ACACA: variants seen among roughly 807,000 people sequenced by gnomAD.
The protein encoded by ACACA is acetyl-CoA carboxylase 1.
A neutral mutation model predicts 296.1 loss-of-function variants in ACACA; 103 were observed. That is an observed-to-expected ratio of 0.35 (90% CI 0.30 to 0.41). The LOEUF (loss-of-function observed/expected upper bound fraction) is 0.41. ACACA is among the 10% of genes least tolerant of loss of function. The pLI, the probability that ACACA is intolerant of heterozygous loss-of-function variation, is 1.00. For synonymous variants in ACACA, 953 were observed against 1,038.6 expected (o/e 0.92, Z 1.58); for missense variants, 1,554 against 2,989.7 (o/e 0.52, Z 11.20).
At chr17:37,247,374 C>CTTTTTTTTTTTTTT (rs59972801) in intron 18 of ACACA, among the ~76,000 whole-genome samples, 1 of 145,632 alleles carries the variant, frequency 6.9e-6, no homozygotes. Context: ...TTGTGAATTT[C>CTTTTTTTTTTTTTT]TTTTTTTTTT....
At chr17:37,166,606 C>T (rs575088766) in intron 41 of ACACA, among the ~76,000 whole-genome samples, 2 of 152,334 alleles carry the variant, frequency 1.3e-5, no homozygotes, top group African/African-American at 4.8e-5. Flanking sequence ...CATTTACTAT[C>T]TGCTGTACTG....
In ACACA at chr17:37,099,508, T is replaced by TGAGG. The variant is rs1276927426; in HGVS notation, c.6566-1525_6566-1524insCCTC. ...GGAGGAGGGCTGATGGGAGGAGGGC[T>TGAGG]GATAGCAGGAGGGCTGATGGGAGGA... On this transcript the variant is annotated intron_variant, in intron 52 of 55. Coordinates refer to ENST00000616317, the MANE Select transcript of ACACA (RefSeq NM_198834.3). Among the ~76,000 whole-genome samples, 10 of 144,596 alleles carry TGAGG rather than the reference T, an allele frequency of 6.9e-5. No individual in the cohort carries two copies. The East Asian group carries it at 1.4e-3, about 21-fold the overall frequency. The allele number at this position is 144,596 out of a possible 152,430, so 94.9% of individuals were successfully genotyped here.
intron 25 of ACACA, among the ~76,000 whole-genome samples, chr17:37,232,531 G>A (rs1041965222): frequency 7.9e-5 from 12 of 151,692 alleles, no homozygotes; most frequent in Admixed American, 5.4e-4. Flanking sequence ...ACAGCTAAGC[G>A]TTGTCAAAGA....
chr17:37,327,324 C>A (rs1396550492), intron 3 of ACACA, among the ~76,000 whole-genome samples: 1 of 152,064 alleles, frequency 6.6e-6, no homozygotes, highest in Non-Finnish European at 1.5e-5. Context: ...TTAAAATTAC[C>A]CCAAAGGTCA....
chr17:37,382,318 C>T (rs1158851563), intron 1 of ACACA, among the ~76,000 whole-genome samples: 2 of 151,974 alleles, frequency 1.3e-5, no homozygotes, highest in African/African-American at 4.8e-5. Flanking sequence ...TCTCCTTCTG[C>T]CCTCCTTTCC....
intron 28 of ACACA, 63 bp from the exon 29 acceptor site, chr17:37,221,905 A>G: frequency 7.0e-7 from 1 of 1,426,544 alleles, no homozygotes; most frequent in Non-Finnish European, 9.9e-7. Context: ...AATAGCCCAG[A>G]AAAAGAGTCT....
chr17:37,149,777 T>G, intron 45 of ACACA, 87 bp downstream of exon 45: 1 of 1,215,216 alleles, frequency 8.2e-7, no homozygotes, highest in Non-Finnish European at 1.2e-6. Flanking sequence ...ATTGAACTGC[T>G]TCCTTCCAAT....
chr17:37,307,831 A>G (rs2083952749), intron 3 of ACACA, among the ~76,000 whole-genome samples: 1 of 151,964 alleles, frequency 6.6e-6, no homozygotes, highest in Non-Finnish European at 1.5e-5. Flanking sequence ...CAGGCAATCC[A>G]TCCACCTTGG....
At chr17:37,359,266 C>T in intron 1 of ACACA, 1 of 584,170 alleles carries the variant, frequency 1.7e-6, no homozygotes, top group Non-Finnish European at 2.2e-6. Context: ...CGGGCTGCGG[C>T]GCTGCCAGGG....
chr17:37,385,885 A>G, intron 1 of ACACA: 3 of 634,036 alleles, frequency 4.7e-6, no homozygotes, highest in Non-Finnish European at 8.2e-6. Context: ...AAACCTATGG[A>G]CAGACAGGTT....
At position 37,217,384 on chromosome 17, in the gene ACACA, C is replaced by G. The variant is rs1319847005; in HGVS notation, c.3683+4340G>C. Among the ~76,000 whole-genome samples, 3 of 150,526 alleles carry G rather than the reference C, an allele frequency of 2.0e-5. No individual in the cohort carries two copies. In the East Asian group the frequency reaches 6.0e-4, roughly 30 times the overall value. Reference sequence around the variant, plus strand: ...TAACGATGTGCTGGACAAATTTTGTCTACTTCAAAAACACCTAGCTAGGAA... The same window carrying G: ...TAACGATGTGCTGGACAAATTTTGTGTACTTCAAAAACACCTAGCTAGGAA... On this transcript the variant is annotated intron_variant, in intron 29 of 55. Transcript: ENST00000616317.
chr17:37,395,344 C>T (rs1416770928), intron 1 of ACACA, among the ~76,000 whole-genome samples: 3 of 150,846 alleles, frequency 2.0e-5, no homozygotes, highest in Non-Finnish European at 2.9e-5. Flanking sequence ...GCAGGAGAAT[C>T]GCTTGAACTC....
intron 52 of ACACA, among the ~76,000 whole-genome samples, chr17:37,104,342 G>A (rs2073543890): frequency 6.6e-6 from 1 of 152,180 alleles, no homozygotes; most frequent in African/African-American, 2.4e-5. Flanking sequence ...GGTCAAATAA[G>A]AAGAGCTAAC....
intron 3 of ACACA, among the ~76,000 whole-genome samples, chr17:37,315,895 G>A (rs1358758964): frequency 5.9e-5 from 9 of 152,108 alleles, no homozygotes; most frequent in Admixed American, 6.6e-5. Flanking sequence ...TCAATTTTCA[G>A]CCCCTTGCCC....
chr17:37,316,169 C>T (rs1047173502), intron 3 of ACACA, among the ~76,000 whole-genome samples: 2 of 152,040 alleles, frequency 1.3e-5, no homozygotes, highest in African/African-American at 4.8e-5. Flanking sequence ...GTCTTACCGG[C>T]CTCTTCTTTT....
chr17:37,194,031 T>G (rs987409311), intron 35 of ACACA, among the ~76,000 whole-genome samples: 2 of 152,122 alleles, frequency 1.3e-5, no homozygotes, highest in Admixed American at 1.3e-4. Context: ...TGCTTTTTTG[T>G]AGGGCATTAT....
At chr17:37,114,215 AAG>A (rs2074122436) in intron 50 of ACACA, among the ~76,000 whole-genome samples, 1 of 152,000 alleles carries the variant, frequency 6.6e-6, no homozygotes, top group South Asian at 2.1e-4. Flanking sequence ...AACAAAAAAC[AAG>A]AGAGGAACCA....
At chr17:37,121,951 A>G (rs1038045136) in intron 49 of ACACA, among the ~76,000 whole-genome samples, 1 of 152,116 alleles carries the variant, frequency 6.6e-6, no homozygotes, top group African/African-American at 2.4e-5. Flanking sequence ...CACTTTCTGA[A>G]TGGTGTCAGG....
At chr17:37,319,888 T>C (rs764318044) in intron 3 of ACACA, among the ~76,000 whole-genome samples, 12 of 151,898 alleles carry the variant, frequency 7.9e-5, no homozygotes, top group Non-Finnish European at 1.5e-4. Context: ...GAGGCAGAGA[T>C]TGCAGTGAGC....
Sources: gnomAD v4.1 joint callset for allele counts (sites outside exome capture counted in the v4.1 genomes callset) on GRCh38, gnomAD v4.1.1 for gene constraint, MANE v1.5 for transcripts, NCBI Gene and HGNC (gene_info 2026-07-23, HGNC 2026-07-21) for gene names.